Variants in ZSCAN23 observed in about 807,000 individuals in gnomAD.
ZSCAN23 encodes zinc finger and SCAN domain containing 23.
Under a neutral mutation model 19.3 loss-of-function variants are expected in ZSCAN23, and 19 were observed. The observed-to-expected ratio is 0.99, with a 90% confidence interval of 0.69 to 1.45. ZSCAN23 has a LOEUF of 1.45. ZSCAN23 is among the 40% of genes most tolerant of loss of function. ZSCAN23 has a pLI of 0.00. For missense variants in ZSCAN23, 372 were observed against 462.5 expected (o/e 0.80, Z 1.79); for synonymous variants, 140 against 166.2 (o/e 0.84, Z 1.21).
chr6:28,429,692 C>G (rs1439421325), downstream of ZSCAN23, among the ~76,000 whole-genome samples: 1 of 152,078 alleles, frequency 6.6e-6, no homozygotes, highest in Non-Finnish European at 1.5e-5. Flanking sequence ...TCTGAAATGT[C>G]TGATGGAGCA....
intron 1 of ZSCAN23, 69 bp from the exon 2 acceptor site, chr6:28,436,412 T>A: frequency 1.3e-6 from 1 of 760,880 alleles, no homozygotes; most frequent in Non-Finnish European, 2.0e-6. Flanking sequence ...GGGACTGGAG[T>A]ATTTACACTA....
At position 28,432,952 on chromosome 6, in the gene ZSCAN23, G is replaced by A. The variant is rs1761789579; in HGVS notation, c.*1513C>T. 2 of 152,124 alleles carry A rather than the reference G, an allele frequency of 1.3e-5. No individual in the cohort carries two copies. The highest frequency in any genetic ancestry group is 1.3e-4 in the Admixed American group (2 of 15,270). 9.4% of individuals were successfully genotyped at this position (152,124 alleles called of 1,614,324 possible). On this transcript the variant is annotated 3_prime_UTR_variant, in exon 4 of 4. Transcript: ENST00000289788. ...TACAATGGCTACTTATAAAGGGAAAGTAGACCTTTTTGTATTATTTTGATT... is the reference window on the plus strand; with the variant it reads ...TACAATGGCTACTTATAAAGGGAAAATAGACCTTTTTGTATTATTTTGATT...
At chr6:28,427,085 G>A (rs373587784), downstream of ZSCAN23, among the ~76,000 whole-genome samples, 4 of 152,156 alleles carry the variant, frequency 2.6e-5, no homozygotes, top group Admixed American at 1.3e-4. Flanking sequence ...GAGCCACCGC[G>A]CCTGGCCCAA....
downstream of ZSCAN23, among the ~76,000 whole-genome samples, chr6:28,427,462 G>A (rs1165080649): frequency 6.6e-6 from 1 of 152,190 alleles, no homozygotes; most frequent in Non-Finnish European, 1.5e-5. Context: ...AACCTAGATG[G>A]TAGAGCCTAC....
At chr6:28,428,532 T>G (rs529899351), downstream of ZSCAN23, among the ~76,000 whole-genome samples, 1 of 152,350 alleles carries the variant, frequency 6.6e-6, no homozygotes, top group Non-Finnish European at 1.5e-5. Context: ...CTGTAATCTT[T>G]AACACAGTTC....
chr6:28,424,332 CAG>C, the ZSCAN23 span, among the ~76,000 whole-genome samples: 1 of 152,202 alleles, frequency 6.6e-6, no homozygotes, highest in Non-Finnish European at 1.5e-5. Flanking sequence ...TTTGAGGCTG[CAG>C]AGTCTTACCT....
intron 1 of ZSCAN23, among the ~76,000 whole-genome samples, chr6:28,438,650 G>C (rs149811502): frequency 0.014 from 2,188 of 152,200 alleles, 53 homozygotes; most frequent in African/African-American, 0.048. Context: ...GAGCAAAAGG[G>C]GGAAAAGCCC....
chr6:28,431,839 T>C (rs1263668460), downstream of ZSCAN23: 1 of 152,240 alleles, frequency 6.6e-6, no homozygotes, highest in Non-Finnish European at 1.5e-5. Context: ...ATGAAGCATG[T>C]TTCTTGGCAA....
At chr6:28,436,381 C>T (rs1761889881) in intron 1 of ZSCAN23, 38 bp from the exon 2 acceptor site, 1 of 1,137,232 alleles carries the variant, frequency 8.8e-7, no homozygotes, top group Admixed American at 2.9e-5. Flanking sequence ...TATAAAAATG[C>T]AGAAAACCTC....
the ZSCAN23 span, among the ~76,000 whole-genome samples, chr6:28,425,784 T>C: frequency 6.6e-6 from 1 of 152,364 alleles, no homozygotes; most frequent in Admixed American, 6.5e-5. Context: ...CTTCTTCCAA[T>C]ATAAAGTGTT....
chr6:28,429,458 C>CATTA (rs1033632304), downstream of ZSCAN23, among the ~76,000 whole-genome samples: 34 of 152,030 alleles, frequency 2.2e-4, 1 homozygote. Context: ...ATATCGTGAC[C>CATTA]ATTAGCATAG....
chr6:28,435,841 G>C lies in ZSCAN23; in HGVS notation c.408+18C>G. On this transcript the variant is annotated intron_variant, in intron 2 of 3. Coordinates refer to ENST00000289788, the MANE Select transcript of ZSCAN23 (RefSeq NM_001012455.2). ...CTTGTTCTTATAGGTACAAATCCCT[G>C]TTCTCCCATCTTCTCACCTGCTCTC... The C allele has an allele frequency of 6.4e-7, 1 of 1,551,340 alleles. No individual in the cohort carries two copies. The highest frequency in any genetic ancestry group is 8.7e-7 in the Non-Finnish European group (1 of 1,153,434).
chr6:28,431,888 G>A (rs1340728731), downstream of ZSCAN23: 2 of 152,030 alleles, frequency 1.3e-5, no homozygotes, highest in Non-Finnish European at 2.9e-5. Context: ...TTTTCCTTTG[G>A]TCAACATTTT....
chr6:28,436,321 T>G lies in ZSCAN23; in HGVS notation c.-55A>C. The G allele has an allele frequency of 7.3e-7, 1 of 1,374,760 alleles. No homozygotes were observed. The highest frequency in any genetic ancestry group is 9.5e-7 in the Non-Finnish European group (1 of 1,057,934). 85.2% of individuals were successfully genotyped at this position (1,374,760 alleles called of 1,614,324 possible). A position where few individuals can be genotyped will look rare whatever the true frequency, so the allele number is the denominator to read the frequency against. The stretch of plus-strand genomic sequence containing the variant: ...TATTCTTGATAATTCTCCCTTGATC[T>G]TTTCTTCTGGAAACCCCGAGATCTA... On this transcript the variant is annotated 5_prime_UTR_variant, in exon 2 of 4. Coordinates refer to ENST00000289788, the MANE Select transcript of ZSCAN23 (RefSeq NM_001012455.2).
At chr6:28,430,060 C>T (rs1176672898), downstream of ZSCAN23, among the ~76,000 whole-genome samples, 2 of 152,178 alleles carry the variant, frequency 1.3e-5, no homozygotes, top group East Asian at 3.9e-4. Flanking sequence ...CGACAGGGGT[C>T]GTAACCTCTT....
intron 3 of ZSCAN23, 135 bp from the exon 4 acceptor site, chr6:28,435,213 C>T: frequency 8.7e-7 from 1 of 1,148,326 alleles, no homozygotes; most frequent in Non-Finnish European, 1.2e-6. Flanking sequence ...TTTATTTTTC[C>T]ACTCTAAAGC....
At chr6:28,431,339 TG>T, downstream of ZSCAN23, among the ~76,000 whole-genome samples, 1 of 152,306 alleles carries the variant, frequency 6.6e-6, no homozygotes, top group Non-Finnish European at 1.5e-5. Flanking sequence ...ATTATTAGTA[TG>T]GGGACCGTAC....
rs183399717 is a variant in ZSCAN23, at chr6:28,438,307, G to A, written c.-77-1964C>T. Among the ~76,000 whole-genome samples, 431 of 152,232 alleles carry A rather than the reference G, an allele frequency of 2.8e-3. 4 individuals carry two copies. Among genetic ancestry groups the A allele is most frequent in the Admixed American group, 0.017 (260 of 15,296 alleles). ...AGACAGGGTTGTACCATGTTGGCCA[G>A]GCTGGTCTCGAACTCCTGACCGCAG... On this transcript the variant is annotated intron_variant, in intron 1 of 3. Coordinates refer to ENST00000289788, the MANE Select transcript of ZSCAN23 (RefSeq NM_001012455.2).
At chr6:28,442,009 C>T (rs1762012016) in intron 1 of ZSCAN23, among the ~76,000 whole-genome samples, 1 of 151,572 alleles carries the variant, frequency 6.6e-6, no homozygotes, top group South Asian at 2.1e-4. Flanking sequence ...TCCGGAGTAG[C>T]TGGGATTACA....
Sources: gnomAD v4.1 joint callset for allele counts (sites outside exome capture counted in the v4.1 genomes callset) on GRCh38, gnomAD v4.1.1 for gene constraint, MANE v1.5 for transcripts, NCBI Gene and HGNC (gene_info 2026-07-23, HGNC 2026-07-21) for gene names.